The following UPRT variants were observed in gnomAD, a reference collection of about 807,000 sequenced individuals.
UPRT encodes the protein RP11-311P8.3.
UPRT carries 5 observed loss-of-function variants against 22.6 expected under a neutral mutation model. The ratio of observed to expected loss-of-function variants is 0.22; its 90% CI spans 0.12 to 0.47. The LOEUF is 0.47. UPRT is among the 20% of genes least tolerant of loss of function. The pLI is 0.99. For missense variants in UPRT, 181 were observed against 239.9 expected (o/e 0.75, Z 1.62); for synonymous variants, 77 against 87.7 (o/e 0.88, Z 0.68).
chrX:75,213,145 G>A, intron 4 of UPRT, among the ~76,000 whole-genome samples: 1 of 112,237 alleles, frequency 8.9e-6, no homozygotes, highest in Non-Finnish European at 1.9e-5. Flanking sequence ...AATTGCAGCT[G>A]TGTGCTATTT....
intron 1 of UPRT, among the ~76,000 whole-genome samples, chrX:75,287,569 A>G (rs2082687302): frequency 9.0e-6 from 1 of 111,359 alleles, no homozygotes. Context: ...CTCACTTAAT[A>G]TTTAGGAAAG....
intron 4 of UPRT, among the ~76,000 whole-genome samples, chrX:75,218,606 C>T (rs1212065540): frequency 2.1e-5 from 2 of 95,402 alleles, no homozygotes; most frequent in Admixed American, 1.2e-4. Context: ...TATTGCGGCA[C>T]TATTCACAAT....
At chrX:75,171,355 C>T (rs1001615602) in intron 4 of UPRT, among the ~76,000 whole-genome samples, 5 of 111,396 alleles carry the variant, frequency 4.5e-5, no homozygotes, top group Non-Finnish European at 7.5e-5. Flanking sequence ...TTTGCTTGTT[C>T]GATTCTATTG....
intron 4 of UPRT, among the ~76,000 whole-genome samples, chrX:75,185,093 T>C (rs2082285203): frequency 8.9e-6 from 1 of 111,868 alleles, no homozygotes; most frequent in Admixed American, 9.5e-5. Flanking sequence ...ATCCCTGTCT[T>C]GTGCCAGTTT....
intron 4 of UPRT, among the ~76,000 whole-genome samples, chrX:75,240,418 A>C (rs1404008302): frequency 1.8e-5 from 2 of 111,805 alleles, no homozygotes; most frequent in African/African-American, 6.5e-5. Context: ...TGTATAAGAA[A>C]AACTACAAAA....
chrX:75,216,129 C>T (rs1006557747), intron 4 of UPRT, among the ~76,000 whole-genome samples: 4 of 111,633 alleles, frequency 3.6e-5, no homozygotes, highest in African/African-American at 1.3e-4. Flanking sequence ...AAAACATTAA[C>T]ACATCAAATC....
intron 4 of UPRT, among the ~76,000 whole-genome samples, chrX:75,203,956 C>T (rs1407305605): frequency 9.0e-6 from 1 of 110,851 alleles, no homozygotes; most frequent in Non-Finnish European, 1.9e-5. Flanking sequence ...TATCTGGTTG[C>T]TTCCTGCTGA....
In UPRT at chrX:75,242,300, T is replaced by C. The variant is rs1174183468; in HGVS notation, c.-446-48724T>C. 2.7e-5 allele frequency among the ~76,000 whole-genome samples: 3 copies of C among 110,894 alleles called. No homozygotes were observed. In the East Asian group the frequency reaches 8.5e-4, roughly 31 times the overall value. The stretch of plus-strand genomic sequence containing the variant: ...TGCAGTGGCTTGAGCATCACCAAAG[T>C]CAACTTCAATTAAGGGATTCTGGGA... On this transcript the variant is annotated intron_variant, in intron 4 of 13. Coordinates refer to the UPRT transcript ENST00000652605.
intron 5 of UPRT, among the ~76,000 whole-genome samples, chrX:75,300,433 A>G (rs2082740066): frequency 8.9e-6 from 1 of 112,006 alleles, no homozygotes; most frequent in Admixed American, 9.5e-5. Context: ...ATTAATAAAG[A>G]ACAAGTACCT....
At chrX:75,178,880 A>C (rs890199942) in intron 4 of UPRT, among the ~76,000 whole-genome samples, 10 of 111,711 alleles carry the variant, frequency 9.0e-5, no homozygotes, top group Admixed American at 9.4e-5. Flanking sequence ...ACTGCTGGCT[A>C]GCGCAGCCTG....
intron 2 of UPRT, among the ~76,000 whole-genome samples, chrX:75,162,819 C>G (rs1368368890): frequency 9.0e-6 from 1 of 111,456 alleles, no homozygotes; most frequent in Non-Finnish European, 1.9e-5. Flanking sequence ...TTAATAATTA[C>G]AGAGAAGGAA....
chrX:75,258,121 T>C (rs969468227), intron 4 of UPRT, among the ~76,000 whole-genome samples: 1 of 109,593 alleles, frequency 9.1e-6, no homozygotes, highest in African/African-American at 3.3e-5. Context: ...CTGGAGCCTA[T>C]GCCACCAGGG....
At chrX:75,241,106 GA>G (rs57173177) in intron 4 of UPRT, among the ~76,000 whole-genome samples, 82 of 106,108 alleles carry the variant, frequency 7.7e-4, no homozygotes, top group Middle Eastern at 4.9e-3. Context: ...CTTCTGCACA[GA>G]AAAAAAAAAA....
chrX:75,267,772 G>A (rs1384182804), intron 4 of UPRT, among the ~76,000 whole-genome samples: 1 of 111,645 alleles, frequency 9.0e-6, no homozygotes, highest in Non-Finnish European at 1.9e-5. Context: ...TGTTTAGAGG[G>A]AAATTTATAG....
chrX:75,190,173 G>C (rs1340522208), intron 4 of UPRT, among the ~76,000 whole-genome samples: 1 of 111,689 alleles, frequency 9.0e-6, no homozygotes, highest in East Asian at 2.8e-4. Flanking sequence ...GGTGGGCCTG[G>C]TGGTGACAAA....
chrX:75,197,629 A>G (rs1362706753), intron 4 of UPRT, among the ~76,000 whole-genome samples: 2 of 112,020 alleles, frequency 1.8e-5, no homozygotes, highest in Non-Finnish European at 3.8e-5. Context: ...TATCCTATAT[A>G]AACACTTCTA....
At chrX:75,166,267 C>T (rs2082213039) in intron 3 of UPRT, among the ~76,000 whole-genome samples, 1 of 111,884 alleles carries the variant, frequency 8.9e-6, no homozygotes, top group Non-Finnish European at 1.9e-5. Context: ...AAACACTTCT[C>T]CTGTCTCCTC....
intron 4 of UPRT, among the ~76,000 whole-genome samples, chrX:75,245,521 G>C (rs1176786243): frequency 8.9e-6 from 1 of 111,932 alleles, no homozygotes; most frequent in Non-Finnish European, 1.9e-5. Context: ...ATTCACAATA[G>C]AAAAGACATG....
intron 3 of UPRT, among the ~76,000 whole-genome samples, chrX:75,297,200 T>C (rs1259677201): frequency 3.6e-5 from 4 of 112,082 alleles, no homozygotes; most frequent in Non-Finnish European, 5.6e-5. Flanking sequence ...TGATTCTCTT[T>C]GAATTCAGTT....
Sources: gnomAD v4.1 joint callset for allele counts (sites outside exome capture counted in the v4.1 genomes callset) on GRCh38, gnomAD v4.1.1 for gene constraint, MANE v1.5 for transcripts, NCBI Gene and HGNC (gene_info 2026-07-23, HGNC 2026-07-21) for gene names.